Variants in LASP1NB observed in about 807,000 individuals in gnomAD.
The protein encoded by LASP1NB is LASP1 neighbor protein.
At chr17:38,925,890 G>A in the LASP1NB span, 4 of 396,442 alleles carry the variant, frequency 1.0e-5, no homozygotes, top group Admixed American at 4.4e-5. Flanking sequence ...CTGTTATCTC[G>A]GGTATTGATT....
At chr17:38,926,261 C>T in the LASP1NB span, among the ~76,000 whole-genome samples, 1 of 152,116 alleles carries the variant, frequency 6.6e-6, no homozygotes, top group Non-Finnish European at 1.5e-5. Flanking sequence ...ATGATTGACT[C>T]ATTCTTATTT....
chr17:38,928,207 A>T, the LASP1NB span: 1 of 152,170 alleles, frequency 6.6e-6, no homozygotes, highest in South Asian at 2.1e-4. Context: ...GCATTTAGGG[A>T]AGTAGAAGCA....
chr17:38,925,920 A>G, the LASP1NB span: 1 of 395,370 alleles, frequency 2.5e-6, no homozygotes, highest in Non-Finnish European at 4.4e-6. Context: ...AAAGAAAAGA[A>G]AAAAAGAAAG....
chr17:38,926,440 A>T, the LASP1NB span: 1 of 152,174 alleles, frequency 6.6e-6, no homozygotes, highest in Non-Finnish European at 1.5e-5. Flanking sequence ...CAGTCCAACA[A>T]GAGGCCTCTC....
At chr17:38,927,115 T>TGTGC in the LASP1NB span, 6 of 140,608 alleles carry the variant, frequency 4.3e-5, no homozygotes, top group African/African-American at 1.8e-4. Context: ...TGTGTGTGTG[T>TGTGC]GTGCGTGTGT....
chr17:38,926,392 CTTT>C, the LASP1NB span: 1 of 152,120 alleles, frequency 6.6e-6, no homozygotes, highest in African/African-American at 2.4e-5. Flanking sequence ...CCATCTGAGA[CTTT>C]TTATTTCTGG....
the LASP1NB span, chr17:38,926,645 CTT>C: frequency 6.6e-6 from 1 of 152,124 alleles, no homozygotes; most frequent in Non-Finnish European, 1.5e-5. Flanking sequence ...GAAATGGAGA[CTT>C]ATTAAAGTTA....
chr17:38,926,050 A>G, the LASP1NB span, among the ~76,000 whole-genome samples: 1 of 152,000 alleles, frequency 6.6e-6, no homozygotes, highest in African/African-American at 2.4e-5. Context: ...TCCACAATGT[A>G]AACGATTTTT....
chr17:38,928,757 A>G, the LASP1NB span: 2 of 152,200 alleles, frequency 1.3e-5, no homozygotes, highest in Non-Finnish European at 2.9e-5. Flanking sequence ...CCACTAAAAC[A>G]TTCTTCTAAC....
the LASP1NB span, chr17:38,928,926 C>T: frequency 6.6e-6 from 1 of 152,094 alleles, no homozygotes; most frequent in South Asian, 2.1e-4. Context: ...ATAGTCTAAC[C>T]AAGCTTGCTC....
At chr17:38,929,102 C>T in the LASP1NB span, 1 of 152,064 alleles carries the variant, frequency 6.6e-6, no homozygotes, top group Non-Finnish European at 1.5e-5. Flanking sequence ...TCTTCAGTTA[C>T]TTGTAAAATA....
the LASP1NB span, chr17:38,929,304 A>C: frequency 2.0e-5 from 3 of 152,186 alleles, no homozygotes; most frequent in Non-Finnish European, 2.9e-5. Flanking sequence ...TTACCTCTGT[A>C]ATATAAGATT....
chr17:38,926,421 T>C, the LASP1NB span: 1 of 152,194 alleles, frequency 6.6e-6, no homozygotes, highest in Non-Finnish European at 1.5e-5. Context: ...TTACAGCTCC[T>C]GGTCTCTCCA....
chr17:38,928,373 C>G, the LASP1NB span: 8 of 152,210 alleles, frequency 5.3e-5, no homozygotes, highest in Non-Finnish European at 1.0e-4. Context: ...GCCAAGGTCG[C>G]ATTATCTCTT....
the LASP1NB span, chr17:38,929,043 T>C: frequency 6.6e-6 from 1 of 152,236 alleles, no homozygotes; most frequent in Non-Finnish European, 1.5e-5. Flanking sequence ...ACACTGGTGA[T>C]ATATACCACT....
the LASP1NB span, chr17:38,927,605 C>A: frequency 6.6e-6 from 1 of 151,674 alleles, no homozygotes; most frequent in South Asian, 2.1e-4. Flanking sequence ...AGCGAGATTC[C>A]GTCTCAAATA....
the LASP1NB span, among the ~76,000 whole-genome samples, chr17:38,926,072 G>A: frequency 6.6e-6 from 1 of 151,948 alleles, no homozygotes; most frequent in African/African-American, 2.4e-5. Context: ...GGCAGAACGG[G>A]TTGGGAATGA....
the LASP1NB span, chr17:38,925,650 C>T: frequency 7.5e-6 from 3 of 398,368 alleles, no homozygotes; most frequent in East Asian, 3.6e-5. Context: ...TCACAGCTCA[C>T]GGTTCACCAG....
chr17:38,928,124 A>G, the LASP1NB span: 1 of 152,188 alleles, frequency 6.6e-6, no homozygotes, highest in Admixed American at 6.6e-5. Flanking sequence ...AACAAATTAT[A>G]TGACCTGACC....
Sources: gnomAD v4.1 joint callset for allele counts (sites outside exome capture counted in the v4.1 genomes callset) on GRCh38, gnomAD v4.1.1 for gene constraint, MANE v1.5 for transcripts, NCBI Gene and HGNC (gene_info 2026-07-23, HGNC 2026-07-21) for gene names.